The following HEATR6 variants were observed in gnomAD, a reference collection of about 807,000 sequenced individuals.
The protein encoded by HEATR6 is HEAT repeat containing 6.
HEATR6 carries 106 observed loss-of-function variants against 132.8 expected under a neutral mutation model. The ratio of observed to expected loss-of-function variants is 0.80; its 90% CI spans 0.68 to 0.94. The LOEUF (loss-of-function observed/expected upper bound fraction) is 0.94, where lower values mean the gene tolerates loss of function less well. HEATR6 is among the 40% of genes least tolerant of loss of function. The pLI, the probability that HEATR6 is intolerant of heterozygous loss-of-function variation, is 0.00. For missense variants in HEATR6, 1,339 were observed against 1,425.1 expected (o/e 0.94, Z 0.97); for synonymous variants, 529 against 537.8 (o/e 0.98, Z 0.23).
Position 60,042,357 on chromosome 17 carries a change from C to T in HEATR6, c.*1206G>A, listed in dbSNP as rs557291256. Among the ~76,000 whole-genome samples, 56 of 150,142 alleles carry T rather than the reference C, an allele frequency of 3.7e-4. No homozygotes were observed. The highest frequency in any genetic ancestry group is 2.0e-3 in the Admixed American group (31 of 15,166). ...CTGTGAGGCACCGTCAGCATCCTTG[C>T]GTCCTGTGTGGCTGTGAGGCACTGT... On this transcript the variant is annotated 3_prime_UTR_variant, in exon 20 of 20. Transcript: ENST00000184956.
chr17:60,048,251 C>T lies in HEATR6; in HGVS notation c.2672+13G>A. 6.2e-7 allele frequency: 1 copy of T among 1,607,678 alleles called. No homozygotes were observed. The highest frequency in any genetic ancestry group is 2.2e-5 in the East Asian group (1 of 44,778). Reference sequence around the variant, plus strand: ...TCAGAAGTCAGCTGGGGAAAGCAAGCTCAGTCACCTACATGTTGACAATCA... The same window carrying T: ...TCAGAAGTCAGCTGGGGAAAGCAAGTTCAGTCACCTACATGTTGACAATCA... On this transcript the variant is annotated intron_variant, in intron 17 of 19. Transcript: ENST00000184956.
At chr17:60,067,028 T>A (rs911714501) in intron 8 of HEATR6, among the ~76,000 whole-genome samples, 1 of 152,058 alleles carries the variant, frequency 6.6e-6, no homozygotes, top group Non-Finnish European at 1.5e-5. Flanking sequence ...CCCAGCACTT[T>A]GGGAGGCCGA....
At chr17:60,046,380 C>T in intron 18 of HEATR6, 151 bp from the exon 19 acceptor site, 1 of 574,050 alleles carries the variant, frequency 1.7e-6, no homozygotes, top group Non-Finnish European at 3.1e-6. Context: ...ACATCCTGAG[C>T]CATCAGAAAT....
At chr17:60,066,131 A>T in intron 9 of HEATR6, 78 bp downstream of exon 9, 1 of 1,219,396 alleles carries the variant, frequency 8.2e-7, no homozygotes, top group Non-Finnish European at 1.2e-6. Flanking sequence ...CAGATCAGAC[A>T]GGATAAGGCA....
intron 15 of HEATR6, 30 bp downstream of exon 15, chr17:60,050,813 T>G (rs1232557938): frequency 1.2e-6 from 2 of 1,613,402 alleles, no homozygotes; most frequent in Admixed American, 3.3e-5. Flanking sequence ...CCAGCCATGA[T>G]TTAAGGGTGA....
chr17:60,054,385 C>T (rs947700152), intron 14 of HEATR6, among the ~76,000 whole-genome samples: 15 of 152,376 alleles, frequency 9.8e-5, no homozygotes, highest in African/African-American at 3.6e-4. Context: ...TCTACTAGGG[C>T]AGTGCCAAAG....
In HEATR6 at chr17:60,047,405, C is replaced by T. The variant is rs1906406231; in HGVS notation, c.2673G>A (p.Met891Ile). 6.3e-7 allele frequency: 1 copy of T among 1,599,316 alleles called. No individual in the cohort carries two copies. Among genetic ancestry groups the T allele is most frequent in the Non-Finnish European group, 8.6e-7 (1 of 1,167,670 alleles). The part of the protein sequence containing the change: ...GNLTDTLIVN[M>I]ETPDPSFQEE... Reference sequence around the variant, plus strand: ...CCTGGAAACTTGGGTCTGGTGTTTCCCTGTTCCACCCAAAGCAGACAACAC... The same window carrying T: ...CCTGGAAACTTGGGTCTGGTGTTTCTCTGTTCCACCCAAAGCAGACAACAC... The change falls in exon 18 of 20, where the codon ATG becomes ATA. Residue 891 changes from methionine (M) to isoleucine (I), a missense_variant and splice_region_variant. By Grantham distance (10) the Met-to-Ile change is conservative (BLOSUM62 1). Coordinates refer to ENST00000184956, the MANE Select transcript of HEATR6 (RefSeq NM_022070.5).
chr17:60,060,590 TTAGAAC>T (rs2083205145), intron 9 of HEATR6, among the ~76,000 whole-genome samples: 1 of 152,166 alleles, frequency 6.6e-6, no homozygotes, highest in Non-Finnish European at 1.5e-5. Context: ...AACTGAAAAG[TTAGAAC>T]TAAACAGCCC....
rs1255605542 is a variant in HEATR6 at position 60,078,733 on chromosome 17, G to C, written c.182C>G (p.Ser61Cys). The stretch of plus-strand genomic sequence containing the variant: ...GCCACTGCCCTCGCTGTAGTTCTCG[G>C]AGATGAGCTGATCGAAGAGCAGGTG... Reference protein sequence around the residue: ...EIHLLFDQLISENYSEGSGVA... With the variant: ...EIHLLFDQLICENYSEGSGVA... The change falls in exon 1 of 20, where the codon TCC becomes TGC. Residue 61 changes from serine (S) to cysteine (C), a missense_variant. Transcript: ENST00000184956. 6.4e-7 allele frequency: 1 copy of C among 1,554,964 alleles called. No individual in the cohort carries two copies. Among genetic ancestry groups the C allele is most frequent in the African/African-American group, 1.4e-5 (1 of 73,354 alleles).
rs1480222561 is a variant in HEATR6 at position 60,069,866 on chromosome 17, G to C, written c.802-18C>G. ...ATGAATTTCTAATAATGATGAATAA[G>C]GACACACACACACACACGAAACCAA... On this transcript the variant is annotated intron_variant, in intron 6 of 19. Transcript: ENST00000184956. The C allele has an allele frequency of 4.3e-6, 7 of 1,611,212 alleles. No individual in the cohort carries two copies. The African/African-American group carries it at 9.4e-5, about 22-fold the overall frequency.
intron 13 of HEATR6, among the ~76,000 whole-genome samples, 166 bp downstream of exon 13, chr17:60,055,949 G>A: frequency 6.6e-6 from 1 of 152,216 alleles, no homozygotes; most frequent in East Asian, 1.9e-4. Context: ...GCCGAAAACA[G>A]AAGAATGCAT....
intron 16 of HEATR6, among the ~76,000 whole-genome samples, chr17:60,048,985 T>TATATATATATATATATATATA (rs1906475101): frequency 2.7e-5 from 1 of 36,756 alleles, no homozygotes; most frequent in Admixed American, 2.8e-4. Flanking sequence ...ATATATATAA[T>TATATATATATATATATATATA]ATATATATAT....
Position 60,041,080 on chromosome 17 carries a change from G to A in HEATR6, c.*2483C>T, listed in dbSNP as rs540955876. On this transcript the variant is annotated 3_prime_UTR_variant, in exon 20 of 20. Transcript: ENST00000184956. Reference sequence around the variant, plus strand: ...CTTCCTTTCCCCACAGCAGCTTTATGGAGGCACGTGCCCAGGCATATGAGG... The same window carrying A: ...CTTCCTTTCCCCACAGCAGCTTTATAGAGGCACGTGCCCAGGCATATGAGG... 1.1e-4 allele frequency among the ~76,000 whole-genome samples: 16 copies of A among 152,278 alleles called. No homozygotes were observed. Among genetic ancestry groups the A allele is most frequent in the African/African-American group, 3.6e-4 (15 of 41,550 alleles).
Position 60,066,341 on chromosome 17 carries a change from A to C in HEATR6, c.1284T>G (p.Leu428=), listed in dbSNP as rs767211375. ...TTTTTTCTATCGATTTTATAGTAGA[A>C]AGAAAACAAACTAAGGCTCCTTGGC... ...KVRQGALVCF[L]STIKSIEKKV... Residue 428 remains leucine, a synonymous_variant, in exon 9 of 20, where the codon CTT becomes CTG. Coordinates refer to ENST00000184956, the MANE Select transcript of HEATR6 (RefSeq NM_022070.5). 11 of 1,613,622 alleles carry C rather than the reference A, an allele frequency of 6.8e-6. No individual in the cohort carries two copies. The highest frequency in any genetic ancestry group is 9.3e-6 in the Non-Finnish European group (11 of 1,179,876).
chr17:60,078,867 C>T lies in HEATR6; in HGVS notation c.48G>A (p.Arg16=), dbSNP rs116476597. ...CAGGGATTGCTTCCCGCGGTGCCTC[C>T]CGCGGCTGCACGGAAGGCCACGAAC... ...VVGSWPSVQP[R]EAPREAIPER... The change falls in exon 1 of 20, where the codon CGG becomes CGA. Residue 16 remains arginine (R), a synonymous_variant. Transcript: ENST00000184956. 10,971 of 1,512,074 alleles carry T rather than the reference C, an allele frequency of 7.3e-3. 59 individuals are homozygous for T. The highest frequency in any genetic ancestry group is 8.8e-3 in the Admixed American group (469 of 53,298). The allele number at this position is 1,512,074 out of a possible 1,614,324, so 93.7% of individuals were successfully genotyped here.
chr17:60,052,846 G>A (rs542879480), intron 14 of HEATR6, among the ~76,000 whole-genome samples: 2 of 152,280 alleles, frequency 1.3e-5, no homozygotes, highest in East Asian at 3.9e-4. Flanking sequence ...TGGAGGGGCT[G>A]GTGAGGGGCG....
At chr17:60,077,539 C>A (rs1597960257) in intron 1 of HEATR6, among the ~76,000 whole-genome samples, 2 of 152,320 alleles carry the variant, frequency 1.3e-5, no homozygotes, top group East Asian at 3.9e-4. Context: ...TCTTTCAGAC[C>A]TTTTACTTTG....
chr17:60,060,218 G>A, intron 9 of HEATR6, 122 bp from the exon 10 acceptor site: 2 of 689,566 alleles, frequency 2.9e-6, no homozygotes, highest in Non-Finnish European at 4.9e-6. Flanking sequence ...TAAAGGCAAT[G>A]GGATTATCTG....
At chr17:60,056,276 G>C (rs377021438) in intron 12 of HEATR6, 39 bp from the exon 13 acceptor site, 7 of 1,568,902 alleles carry the variant, frequency 4.5e-6, no homozygotes, top group Non-Finnish European at 6.1e-6. Flanking sequence ...TAAGACCTGA[G>C]TGCAAGGCTG....
Sources: gnomAD v4.1 joint callset for allele counts (sites outside exome capture counted in the v4.1 genomes callset) on GRCh38, gnomAD v4.1.1 for gene constraint, MANE v1.5 for transcripts, NCBI Gene and HGNC (gene_info 2026-07-23, HGNC 2026-07-21) for gene names.